The following CCDC88C variants were observed in gnomAD, a reference collection of about 807,000 sequenced individuals.
CCDC88C encodes protein Daple.
A neutral mutation model predicts 198.8 loss-of-function variants in CCDC88C; 131 were observed. That is an observed-to-expected ratio of 0.66 (90% CI 0.57 to 0.76). The LOEUF (loss-of-function observed/expected upper bound fraction) is 0.76. Among genes scored for constraint, CCDC88C ranks in the 30% least tolerant of loss-of-function variants. CCDC88C has a pLI of 0.00. For synonymous variants in CCDC88C, 1,166 were observed against 1,114.7 expected (o/e 1.05, Z -0.92); for missense variants, 2,553 against 2,631.6 (o/e 0.97, Z 0.65).
chr14:91,308,310 G>A (rs1891648361), intron 17 of CCDC88C, 41 bp downstream of exon 17: 8 of 1,609,572 alleles, frequency 5.0e-6, no homozygotes, highest in Non-Finnish European at 6.8e-6. Flanking sequence ...GTGAGGCTGA[G>A]AATGGGCAGC....
At chr14:91,370,468 G>C (rs1355100639) in intron 3 of CCDC88C, among the ~76,000 whole-genome samples, 2 of 152,200 alleles carry the variant, frequency 1.3e-5, no homozygotes, top group Non-Finnish European at 2.9e-5. Flanking sequence ...GTGATGCCCT[G>C]GATTGCTCTG....
intron 3 of CCDC88C, among the ~76,000 whole-genome samples, chr14:91,403,329 C>G (rs1886318524): frequency 6.6e-6 from 1 of 152,184 alleles, no homozygotes; most frequent in Admixed American, 6.5e-5. Flanking sequence ...GGGAATGTAT[C>G]CAGGCCACCA....
intron 3 of CCDC88C, among the ~76,000 whole-genome samples, chr14:91,399,113 TG>T: frequency 6.6e-6 from 1 of 152,138 alleles, no homozygotes; most frequent in Non-Finnish European, 1.5e-5. Context: ...GCCCTAACCC[TG>T]GGGCCTGCTC....
At chr14:91,297,269 C>T (rs751092415) in intron 22 of CCDC88C, 36 bp downstream of exon 22, 18 of 1,597,526 alleles carry the variant, frequency 1.1e-5, no homozygotes, top group Middle Eastern at 1.7e-4. Context: ...GGGGACTCAT[C>T]CCTGTCTCCC....
intron 23 of CCDC88C, among the ~76,000 whole-genome samples, chr14:91,293,366 C>T (rs1300204079): frequency 2.1e-4 from 21 of 100,876 alleles, no homozygotes; most frequent in African/African-American, 7.0e-4. Context: ...CTGCCACGGC[C>T]CACCTTCCTG....
rs866159552 is a variant in CCDC88C at position 91,343,489 on chromosome 14, G to C, written c.399+110C>G. On this transcript the variant is annotated intron_variant, in intron 5 of 29. Transcript: ENST00000389857. ...AACCCAGCGGCCTTCTGTCATATTG[G>C]ACTGAAAGGAGCATCCTCCCACCTA... is the stretch of plus-strand genomic sequence containing the variant. 24 of 1,516,958 alleles carry C rather than the reference G, an allele frequency of 1.6e-5. No individual in the cohort carries two copies. The Middle Eastern group carries it at 7.0e-4, about 44-fold the overall frequency. The allele number at this position is 1,516,958 out of a possible 1,614,324, so 94.0% of individuals were successfully genotyped here.
Position 91,279,266 on chromosome 14 carries a change from G to A in CCDC88C, c.4740C>T (p.Ser1580=). ...PSSLESSRNT[S]SNSSPLNLKG... is the part of the protein sequence containing the mutation. ...TTAGGTTAAGAGGTGAGCTGTTGCT[G>A]GATGTGTTTCTACTGCTCTCTAAGC... The change falls in exon 28 of 30, where the codon TCC becomes TCT. Residue 1580 remains serine (S), a synonymous_variant. Transcript: ENST00000389857. 6.2e-7 allele frequency: 1 copy of A among 1,602,418 alleles called. No individual in the cohort carries two copies. Among genetic ancestry groups the A allele is most frequent in the Non-Finnish European group, 8.5e-7 (1 of 1,173,620 alleles).
rs761072842 is a variant in CCDC88C at position 91,284,682 on chromosome 14, C to T, written c.4442-1165G>A. Among the ~76,000 whole-genome samples, 106 of 152,270 alleles carry T rather than the reference C, an allele frequency of 7.0e-4. 1 individual carries two copies. Among genetic ancestry groups the T allele is most frequent in the African/African-American group, 2.2e-3 (92 of 41,560 alleles). On this transcript the variant is annotated intron_variant, in intron 25 of 29. Coordinates refer to ENST00000389857, the MANE Select transcript of CCDC88C (RefSeq NM_001080414.4). This position sits in a 1 kb window ranked among gnomAD's most constrained non-coding sequence, Gnocchi z 4.1. ...GAGATGAAGTCAGTGGCACATTAACCGACTCTCATATTTTAGTAATTATGT... is the reference window on the plus strand; with the variant it reads ...GAGATGAAGTCAGTGGCACATTAACTGACTCTCATATTTTAGTAATTATGT...
intron 29 of CCDC88C, among the ~76,000 whole-genome samples, chr14:91,274,279 CA>C (rs1357831508): frequency 6.6e-6 from 1 of 152,160 alleles, no homozygotes; most frequent in Non-Finnish European, 1.5e-5. Flanking sequence ...TGGGGCTGCA[CA>C]GGGAAATGAA....
rs1444099067 is a variant in CCDC88C at position 91,325,349 on chromosome 14, C to G, written c.1198-426G>C. Among the ~76,000 whole-genome samples the G allele has an allele frequency of 6.6e-6, 1 of 152,144 alleles. No homozygotes were observed. The highest frequency in any genetic ancestry group is 1.5e-5 in the Non-Finnish European group (1 of 68,032). On this transcript the variant is annotated intron_variant, in intron 11 of 29. Transcript: ENST00000389857. The surrounding 1 kb of genome is among the most constrained non-coding windows in gnomAD (Gnocchi z 4.1). ...AGACCCTTCTTCCAAGACACACACA[C>G]ACACTCATTCCTACAGAAAAGCAAT... is the stretch of plus-strand genomic sequence containing the variant.
intron 15 of CCDC88C, among the ~76,000 whole-genome samples, chr14:91,310,813 G>A (rs930800934): frequency 4.6e-5 from 7 of 152,268 alleles, no homozygotes; most frequent in Admixed American, 2.0e-4. Flanking sequence ...GATAGTGACC[G>A]TTTTCTGCCT....
At chr14:91,301,840 G>A (rs1396850646) in intron 20 of CCDC88C, among the ~76,000 whole-genome samples, 1 of 152,208 alleles carries the variant, frequency 6.6e-6, no homozygotes, top group Non-Finnish European at 1.5e-5. Context: ...AGACTTACAC[G>A]AATGCTTCAT....
intron 3 of CCDC88C, among the ~76,000 whole-genome samples, chr14:91,380,824 C>T (rs766262684): frequency 3.3e-4 from 50 of 152,252 alleles, no homozygotes; most frequent in Admixed American, 1.6e-3. Flanking sequence ...CTGCAGTCCC[C>T]AGGGAGCGTT....
In CCDC88C at chr14:91,279,320, G is replaced by A; in HGVS notation, c.4700-14C>T. ...TTGGCCGCGACACTGAAAGGAAATG[G>A]CAGTGTTAAAATTAAAAAGCCAATG... On this transcript the variant is annotated splice_polypyrimidine_tract_variant and intron_variant, in intron 27 of 29. Transcript: ENST00000389857. The A allele has an allele frequency of 1.3e-6, 2 of 1,585,036 alleles. No homozygotes were observed. The highest frequency in any genetic ancestry group is 1.8e-5 in the Admixed American group (1 of 56,044).
At chr14:91,285,719 G>A (rs1460277100) in intron 25 of CCDC88C, 1 of 1,289,040 alleles carries the variant, frequency 7.8e-7, no homozygotes. Flanking sequence ...AGGAGAGGAT[G>A]GGATGTCGGA....
At chr14:91,377,924 C>G (rs918772138) in intron 3 of CCDC88C, among the ~76,000 whole-genome samples, 4 of 152,190 alleles carry the variant, frequency 2.6e-5, no homozygotes, top group African/African-American at 9.7e-5. Context: ...CAGGAGCACA[C>G]GACGCTGCTC....
chr14:91,380,606 G>A (rs1309437103), intron 3 of CCDC88C, among the ~76,000 whole-genome samples: 1 of 152,054 alleles, frequency 6.6e-6, no homozygotes, highest in Non-Finnish European at 1.5e-5. Flanking sequence ...CCAGCATCAT[G>A]TCATTCCACT....
chr14:91,413,875 A>G (rs1450389153), intron 2 of CCDC88C, among the ~76,000 whole-genome samples: 2 of 152,216 alleles, frequency 1.3e-5, no homozygotes, highest in Non-Finnish European at 2.9e-5. Context: ...TTCAGGTCCT[A>G]CAAACTTGGG....
chr14:91,399,924 CCGCAAGAGA>C (rs1216776808), intron 3 of CCDC88C, among the ~76,000 whole-genome samples: 1 of 151,894 alleles, frequency 6.6e-6, no homozygotes, highest in Admixed American at 6.6e-5. Flanking sequence ...ACCCCCATAC[CCGCAAGAGA>C]CGCCCCAACC....
Sources: gnomAD v4.1 joint callset for allele counts (sites outside exome capture counted in the v4.1 genomes callset) on GRCh38, gnomAD v4.1.1 for gene constraint, Gnocchi (gnomAD v3.1) non-coding constraint, MANE v1.5 for transcripts, NCBI Gene and HGNC (gene_info 2026-07-23, HGNC 2026-07-21) for gene names.